GPC5: variants seen among roughly 807,000 people sequenced by gnomAD.
GPC5 encodes the protein glypican 5, also known as glypican-5.
Under a neutral mutation model 53.9 loss-of-function variants are expected in GPC5, and 47 were observed. That is an observed-to-expected ratio of 0.87 (90% CI 0.69 to 1.11). The LOEUF is 1.11. GPC5 is among the 50% of genes most tolerant of loss of function. The probability of loss-of-function intolerance (pLI) is 0.00; values close to 1 mark genes in which losing one functional copy is unlikely to be tolerated. For synonymous variants in GPC5, 286 were observed against 263.3 expected, an observed-to-expected ratio of 1.09 and a Z score of -0.84; for missense variants, 748 against 713.1, an observed-to-expected ratio of 1.05 and a Z score of -0.56.
chr13:91,929,009 T>C (rs1272664960), intron 6 of GPC5, among the ~76,000 whole-genome samples: 3 of 152,106 alleles, frequency 2.0e-5, no homozygotes, highest in African/African-American at 7.2e-5. Flanking sequence ...CTCTCAATTC[T>C]TTTCCTTGAC....
intron 7 of GPC5, among the ~76,000 whole-genome samples, chr13:92,600,678 T>TTTG (rs57255787): frequency 6.6e-6 from 1 of 150,594 alleles, no homozygotes; most frequent in African/African-American, 2.4e-5. Context: ...TTTTTTTTTT[T>TTTG]GCATTTTTAC....
At chr13:92,668,380 C>A (rs188354536) in intron 7 of GPC5, among the ~76,000 whole-genome samples, 1 of 152,064 alleles carries the variant, frequency 6.6e-6, no homozygotes, top group Non-Finnish European at 1.5e-5. Context: ...AGAGAAAGTA[C>A]CAACAATCTG....
In GPC5 at chr13:92,184,365, A is replaced by G. The variant is rs577237166; in HGVS notation, c.1561+39376A>G. On this transcript the variant is annotated intron_variant, in intron 7 of 7. Transcript: ENST00000377067. ...AGAGCACACAAAAAAATTTATTTCT[A>G]TTACTAGAGTTCTTTAGAACTTTAG... Among the ~76,000 whole-genome samples, 65 of 152,320 alleles carry G rather than the reference A, an allele frequency of 4.3e-4. 1 individual carries two copies. Among genetic ancestry groups the G allele is most frequent in the African/African-American group, 1.5e-3 (61 of 41,564 alleles).
intron 7 of GPC5, among the ~76,000 whole-genome samples, chr13:92,214,464 T>G (rs2042396295): frequency 6.6e-6 from 1 of 152,186 alleles, no homozygotes; most frequent in Admixed American, 6.5e-5. Flanking sequence ...AAACTCTCCT[T>G]GATTTAGGTC....
In GPC5 at chr13:92,113,785, A is replaced by T. The variant is rs1274007794; in HGVS notation, c.1402-31045A>T. The stretch of plus-strand genomic sequence containing the variant: ...AGAAATAAAGGTTATTCTTGAGGAG[A>T]CCAAAGTAAGACACTTTAAATAAGT... On this transcript the variant is annotated intron_variant, in intron 6 of 7. Coordinates refer to ENST00000377067, the MANE Select transcript of GPC5 (RefSeq NM_004466.6). 2.0e-5 allele frequency among the ~76,000 whole-genome samples: 3 copies of T among 151,974 alleles called. No individual in the cohort carries two copies. The East Asian group carries it at 5.8e-4, about 29-fold the overall frequency.
intron 7 of GPC5, among the ~76,000 whole-genome samples, chr13:92,572,756 T>C (rs187182514): frequency 2.6e-5 from 4 of 152,162 alleles, no homozygotes; most frequent in Admixed American, 6.5e-5. Flanking sequence ...AGCTTCATGA[T>C]TTATTATTCT....
intron 5 of GPC5, among the ~76,000 whole-genome samples, chr13:91,860,397 A>G (rs2039013264): frequency 6.6e-6 from 1 of 151,444 alleles, no homozygotes; most frequent in Admixed American, 6.6e-5. Context: ...GAAGGACAGG[A>G]TTTCCTTCTC....
intron 2 of GPC5, among the ~76,000 whole-genome samples, chr13:91,610,443 A>G (rs972664848): frequency 6.6e-6 from 1 of 152,044 alleles, no homozygotes; most frequent in East Asian, 1.9e-4. Context: ...TATAACTTTC[A>G]TTTTGAGTAG....
At chr13:91,730,651 A>C (rs1404029711) in intron 4 of GPC5, among the ~76,000 whole-genome samples, 1 of 152,342 alleles carries the variant, frequency 6.6e-6, no homozygotes, top group East Asian at 1.9e-4. Flanking sequence ...AAACAGGCTT[A>C]ACTGGACTCA....
At chr13:92,690,902 C>G (rs1887365485) in intron 7 of GPC5, among the ~76,000 whole-genome samples, 1 of 63,556 alleles carries the variant, frequency 1.6e-5, no homozygotes. Flanking sequence ...CAGGGACCCA[C>G]TTGAGGAGGC....
At chr13:91,665,019 A>C (rs1283011426) in intron 2 of GPC5, among the ~76,000 whole-genome samples, 2 of 152,258 alleles carry the variant, frequency 1.3e-5, no homozygotes, top group African/African-American at 4.8e-5. Context: ...AATTATTCTC[A>C]TTAGATATGA....
At chr13:91,761,234 C>T (rs1325503232) in intron 5 of GPC5, among the ~76,000 whole-genome samples, 1 of 152,144 alleles carries the variant, frequency 6.6e-6, no homozygotes, top group Admixed American at 6.5e-5. Flanking sequence ...AATTAACTTC[C>T]ACAGTGGCTC....
At chr13:92,621,996 G>A (rs1221818830) in intron 7 of GPC5, among the ~76,000 whole-genome samples, 12 of 151,948 alleles carry the variant, frequency 7.9e-5, no homozygotes, top group Non-Finnish European at 1.8e-4. Context: ...CTTCCTGAAA[G>A]CTCCCCTCGA....
chr13:92,025,867 T>A (rs1271902589), intron 6 of GPC5, among the ~76,000 whole-genome samples: 3 of 152,198 alleles, frequency 2.0e-5, no homozygotes, highest in Non-Finnish European at 2.9e-5. Flanking sequence ...TACATTTTCA[T>A]ATGTAACAGA....
intron 7 of GPC5, among the ~76,000 whole-genome samples, chr13:92,443,957 T>C (rs1229588234): frequency 6.6e-6 from 1 of 152,218 alleles, no homozygotes; most frequent in East Asian, 1.9e-4. Flanking sequence ...GGATTCCTAT[T>C]ATTTCCCAGT....
intron 6 of GPC5, among the ~76,000 whole-genome samples, chr13:92,032,950 A>G (rs1049342706): frequency 6.6e-6 from 1 of 151,910 alleles, no homozygotes; most frequent in East Asian, 1.9e-4. Context: ...TGCCTATGTT[A>G]ACCCCAAATT....
At chr13:91,993,640 T>A (rs2040477609) in intron 6 of GPC5, among the ~76,000 whole-genome samples, 1 of 152,222 alleles carries the variant, frequency 6.6e-6, no homozygotes, top group Non-Finnish European at 1.5e-5. Flanking sequence ...ACATTAAGGC[T>A]GTTTCAGGCT....
chr13:91,520,107 TA>T (rs987580613), intron 2 of GPC5, among the ~76,000 whole-genome samples: 12 of 151,584 alleles, frequency 7.9e-5, no homozygotes, highest in South Asian at 4.2e-4. Context: ...AGTGGAACCA[TA>T]AAAAAAAATT....
intron 5 of GPC5, among the ~76,000 whole-genome samples, chr13:91,886,590 AGTTT>A (rs1420368619): frequency 6.6e-6 from 1 of 152,246 alleles, no homozygotes; most frequent in Admixed American, 6.5e-5. Flanking sequence ...AAAGCAAGTT[AGTTT>A]ATTTCTACAT....
Sources: gnomAD v4.1 joint callset for allele counts (sites outside exome capture counted in the v4.1 genomes callset) on GRCh38, gnomAD v4.1.1 for gene constraint, MANE v1.5 for transcripts, NCBI Gene and HGNC (gene_info 2026-07-23, HGNC 2026-07-21) for gene names.